COL24A1: variants seen among roughly 807,000 people sequenced by gnomAD.
COL24A1 encodes collagen alpha-1(XXIV) chain.
In COL24A1, 224 loss-of-function variants were observed where a neutral mutation model predicts 253.9. The observed-to-expected ratio is 0.88, with a 90% confidence interval of 0.79 to 0.99. COL24A1 has a LOEUF of 0.99. Ranked by LOEUF, COL24A1 falls within the 50% of genes least tolerant of loss-of-function variation. COL24A1 has a pLI of 0.00. For synonymous variants in COL24A1, 685 were observed against 673.7 expected (o/e 1.02, Z -0.26); for missense variants, 2,131 against 2,068.5 (o/e 1.03, Z -0.59).
intron 20 of COL24A1, among the ~76,000 whole-genome samples, chr1:85,974,868 T>A (rs1692508035): frequency 6.6e-6 from 1 of 152,164 alleles, no homozygotes; most frequent in Non-Finnish European, 1.5e-5. Context: ...CATGTTACCA[T>A]CAGCATCATA....
chr1:86,079,492 A>G (rs1407804740), intron 7 of COL24A1, among the ~76,000 whole-genome samples: 1 of 152,190 alleles, frequency 6.6e-6, no homozygotes, highest in East Asian at 1.9e-4. Context: ...ACAGCAAAGG[A>G]AACAATCAAT....
intron 14 of COL24A1, among the ~76,000 whole-genome samples, chr1:86,026,506 C>T (rs142653615): frequency 4.1e-4 from 63 of 152,310 alleles, no homozygotes; most frequent in African/African-American, 1.3e-3. Context: ...CCTTGTTGCA[C>T]TCACTCCGTC....
At chr1:86,018,355 G>A (rs1697186722) in intron 18 of COL24A1, among the ~76,000 whole-genome samples, 1 of 152,142 alleles carries the variant, frequency 6.6e-6, no homozygotes, top group Non-Finnish European at 1.5e-5. Flanking sequence ...TTATGGAAAG[G>A]CTCATTTAAG....
intron 53 of COL24A1, among the ~76,000 whole-genome samples, chr1:85,771,888 C>T (rs1160711382): frequency 2.1e-4 from 31 of 148,628 alleles, no homozygotes; most frequent in Admixed American, 1.1e-3. Context: ...CATGCTGGTG[C>T]GCTGCACCCA....
At chr1:86,069,104 C>T (rs1002849262) in intron 7 of COL24A1, among the ~76,000 whole-genome samples, 5 of 152,062 alleles carry the variant, frequency 3.3e-5, no homozygotes, top group African/African-American at 7.2e-5. Flanking sequence ...GAAAAAGAGA[C>T]GGGATTTTGT....
intron 5 of COL24A1, among the ~76,000 whole-genome samples, chr1:86,100,713 AC>A (rs917842759): frequency 1.3e-5 from 2 of 151,760 alleles, no homozygotes; most frequent in African/African-American, 4.8e-5. Context: ...ACTTTCCCCT[AC>A]CCCCTCTGCC....
At chr1:85,901,178 C>A (rs529455489) in intron 28 of COL24A1, among the ~76,000 whole-genome samples, 1 of 152,094 alleles carries the variant, frequency 6.6e-6, no homozygotes, top group South Asian at 2.1e-4. Flanking sequence ...ACTATATATC[C>A]AGAATACACA....
chr1:85,953,059 T>A (rs1690081152), intron 24 of COL24A1, among the ~76,000 whole-genome samples: 1 of 152,258 alleles, frequency 6.6e-6, no homozygotes, highest in Non-Finnish European at 1.5e-5. Flanking sequence ...CATTCTTTAA[T>A]ACCAACAAGC....
intron 18 of COL24A1, among the ~76,000 whole-genome samples, chr1:86,019,709 TA>T (rs956255326): frequency 3.0e-4 from 45 of 151,366 alleles, no homozygotes; most frequent in African/African-American, 9.9e-4. Context: ...ATAAAACAAA[TA>T]AAAAAAAATC....
At chr1:86,013,664 C>T (rs543341916) in intron 19 of COL24A1, among the ~76,000 whole-genome samples, 1 of 152,086 alleles carries the variant, frequency 6.6e-6, no homozygotes, top group Non-Finnish European at 1.5e-5. Flanking sequence ...GGCAAAACCC[C>T]GTCTCTACTA....
chr1:86,147,501 ATAAC>A (rs1417680043), intron 1 of COL24A1, among the ~76,000 whole-genome samples: 1 of 152,238 alleles, frequency 6.6e-6, no homozygotes, highest in African/African-American at 2.4e-5. Context: ...ATATGGATAA[ATAAC>A]TAAACCATAT....
At chr1:86,050,614 T>A (rs961398457) in intron 10 of COL24A1, among the ~76,000 whole-genome samples, 3 of 152,110 alleles carry the variant, frequency 2.0e-5, no homozygotes, top group Non-Finnish European at 4.4e-5. Context: ...GAGATAGGTC[T>A]AGAGAATAGG....
At chr1:85,905,056 A>G (rs1684675173) in intron 28 of COL24A1, among the ~76,000 whole-genome samples, 1 of 152,134 alleles carries the variant, frequency 6.6e-6, no homozygotes, top group South Asian at 2.1e-4. Flanking sequence ...TCAGAACAGC[A>G]AGAGAGTATA....
In COL24A1 at chr1:85,842,820, C is replaced by T. The variant is rs143642561; in HGVS notation, c.3463-427G>A. 2.0e-3 allele frequency among the ~76,000 whole-genome samples: 310 copies of T among 152,130 alleles called. 3 individuals carry two copies. Among genetic ancestry groups the T allele is most frequent in the African/African-American group, 7.2e-3 (301 of 41,518 alleles). ...CCATACTCATTGTTAGTTTCAGATG[C>T]TATGATGAATATGGTTTTAGTCCTG... is the stretch of plus-strand genomic sequence containing the variant. On this transcript the variant is annotated intron_variant, in intron 39 of 59. Coordinates refer to ENST00000370571, the MANE Select transcript of COL24A1 (RefSeq NM_152890.7).
At chr1:85,923,132 T>C (rs2103024409) in intron 24 of COL24A1, among the ~76,000 whole-genome samples, 1 of 152,310 alleles carries the variant, frequency 6.6e-6, no homozygotes, top group Non-Finnish European at 1.5e-5. Context: ...ATCCTAAATA[T>C]ATATGCAACC....
intron 53 of COL24A1, among the ~76,000 whole-genome samples, chr1:85,761,890 C>A (rs1168294143): frequency 4.6e-5 from 7 of 152,164 alleles, no homozygotes; most frequent in Non-Finnish European, 1.0e-4. Flanking sequence ...TACCATCCAC[C>A]TAATCATCAA....
chr1:86,018,473 GA>G (rs1412857027), intron 18 of COL24A1, among the ~76,000 whole-genome samples: 1 of 152,214 alleles, frequency 6.6e-6, no homozygotes, highest in Non-Finnish European at 1.5e-5. Context: ...AGAAAGGGGC[GA>G]GGGGCTCTCA....
chr1:85,857,480 A>G (rs1197621314), intron 37 of COL24A1, among the ~76,000 whole-genome samples: 2 of 151,876 alleles, frequency 1.3e-5, no homozygotes, highest in Non-Finnish European at 2.9e-5. Context: ...AAAAGAAAAA[A>G]AAAAAGACAA....
chr1:86,121,742 G>A (rs1220752021), intron 3 of COL24A1, among the ~76,000 whole-genome samples: 2 of 152,002 alleles, frequency 1.3e-5, no homozygotes, highest in Non-Finnish European at 2.9e-5. Context: ...CATCACAAAT[G>A]ACATTTAACA....
Sources: allele counts gnomAD v4.1 joint callset (sites outside exome capture counted in the v4.1 genomes callset), GRCh38; gene constraint gnomAD v4.1.1; transcripts MANE v1.5; gene names NCBI Gene and HGNC (gene_info 2026-07-23, HGNC 2026-07-21).